PEMT: variants seen among roughly 807,000 people sequenced by gnomAD.
PEMT encodes the protein phospholipid methyltransferase.
A neutral mutation model predicts 27.4 loss-of-function variants in PEMT; 23 were observed. The observed-to-expected ratio is 0.84, with a 90% CI of 0.60 to 1.19. The LOEUF (loss-of-function observed/expected upper bound fraction) is 1.19, where lower values mean the gene tolerates loss of function less well. PEMT is among the 50% of genes most tolerant of loss of function. The pLI, the probability that PEMT is intolerant of heterozygous loss-of-function variation, is 0.00. For missense variants in PEMT, 307 were observed against 310.1 expected (o/e 0.99, Z 0.07); for synonymous variants, 137 against 139.1 (o/e 0.98, Z 0.11).
At chr17:17,580,744 C>G (rs1320995280) in intron 1 of PEMT, among the ~76,000 whole-genome samples, 1 of 152,180 alleles carries the variant, frequency 6.6e-6, no homozygotes. Flanking sequence ...CCTACCCCTC[C>G]CTTGCCTCAT....
chr17:17,540,027 G>A (rs1700271287), intron 2 of PEMT, among the ~76,000 whole-genome samples: 2 of 152,228 alleles, frequency 1.3e-5, no homozygotes, highest in African/African-American at 4.8e-5. Flanking sequence ...ACAAAGGCTG[G>A]GGGCATGGAA....
chr17:17,543,197 C>G (rs2142609565), intron 2 of PEMT, among the ~76,000 whole-genome samples: 1 of 152,374 alleles, frequency 6.6e-6, no homozygotes, highest in East Asian at 1.9e-4. Flanking sequence ...GAGGGCCTCG[C>G]ATGTGCATGT....
chr17:17,551,541 T>C (rs1909654043), intron 2 of PEMT, among the ~76,000 whole-genome samples: 1 of 152,166 alleles, frequency 6.6e-6, no homozygotes, highest in African/African-American at 2.4e-5. Flanking sequence ...TGGTCGGGCC[T>C]GTCTGGGGCT....
In PEMT at chr17:17,509,462, T is replaced by G. The variant is rs1167456272; in HGVS notation, c.550A>C (p.Thr184Pro). 1 of 1,613,354 alleles carries G rather than the reference T, an allele frequency of 6.2e-7. No individual in the cohort carries two copies. The highest frequency in any genetic ancestry group is 8.5e-7 in the Non-Finnish European group (1 of 1,179,390). ...ILDNPMYWGS[T>P]ANYLGWAIMH... ...ATGGCCCAGCCCAGGTAGTTGGCTGTGCTTCCCCAGTACATGGGGTTGTCC... is the reference window on the plus strand; with the variant it reads ...ATGGCCCAGCCCAGGTAGTTGGCTGGGCTTCCCCAGTACATGGGGTTGTCC... The change falls in exon 5 of 7, where the codon ACA (threonine) becomes CCA (proline). Residue 184 changes from threonine (T) to proline (P), a missense_variant. Transcript: ENST00000255389.
chr17:17,573,245 G>A (rs1473993212), intron 2 of PEMT, among the ~76,000 whole-genome samples: 1 of 151,202 alleles, frequency 6.6e-6, no homozygotes, highest in Non-Finnish European at 1.5e-5. Context: ...AGCACTTTGG[G>A]AGGCCGAGTC....
At chr17:17,525,863 G>T (rs1907624916) in intron 2 of PEMT, among the ~76,000 whole-genome samples, 1 of 152,152 alleles carries the variant, frequency 6.6e-6, no homozygotes. Flanking sequence ...GCACAGTGGT[G>T]TGCACCTGTA....
intron 6 of PEMT, 121 bp from the exon 7 acceptor site, chr17:17,505,969 C>A (rs906789506): frequency 2.0e-4 from 275 of 1,403,564 alleles, no homozygotes; most frequent in Non-Finnish European, 2.5e-4. Context: ...CCCTTCATCC[C>A]CCAGAGCCAC....
intron 4 of PEMT, 114 bp from the exon 5 acceptor site, chr17:17,509,659 G>A: frequency 1.3e-6 from 1 of 744,446 alleles, no homozygotes; most frequent in Non-Finnish European, 2.4e-6. Context: ...ACAGGGCCCT[G>A]CCCTCCAGGA....
chr17:17,569,563 C>T (rs1356068448), intron 2 of PEMT, among the ~76,000 whole-genome samples: 3 of 152,146 alleles, frequency 2.0e-5, no homozygotes, highest in African/African-American at 7.2e-5. Context: ...CCGGCGTGAC[C>T]CCGTGTGCAT....
At chr17:17,552,628 C>A (rs958809099) in intron 2 of PEMT, among the ~76,000 whole-genome samples, 1 of 152,222 alleles carries the variant, frequency 6.6e-6, no homozygotes, top group Non-Finnish European at 1.5e-5. Flanking sequence ...AGAAATGCGG[C>A]CACGGTGGCC....
chr17:17,526,205 C>T (rs1233862876), intron 2 of PEMT, among the ~76,000 whole-genome samples: 2 of 152,148 alleles, frequency 1.3e-5, no homozygotes, highest in African/African-American at 2.4e-5. Flanking sequence ...TCCCCAAATG[C>T]CGGCTCCTTT....
In PEMT at chr17:17,512,603, G is replaced by A. The variant is rs894958873; in HGVS notation, c.372C>T (p.Pro124=). The change falls in exon 4 of 7, where the codon CCC becomes CCT. Residue 124 remains proline (P), a synonymous_variant. Transcript: ENST00000255389. This position sits in a 1 kb window ranked among gnomAD's most constrained non-coding sequence, Gnocchi z 6.3. ...GCGCGAGGCCCAGGCTGTAGGCCGC[G>A]GGGGTGTCCAGGCTCTCCATCCTGG... ...SQPRMESLDT[P]AAYSLGLALL... The A allele has an allele frequency of 9.4e-6, 15 of 1,600,626 alleles. No individual in the cohort carries two copies. Among genetic ancestry groups the A allele is most frequent in the African/African-American group, 2.7e-5 (2 of 74,588 alleles).
chr17:17,556,742 A>G (rs528940092), intron 2 of PEMT, among the ~76,000 whole-genome samples: 10 of 152,246 alleles, frequency 6.6e-5, no homozygotes, highest in South Asian at 6.2e-4. Flanking sequence ...TCCTTCAGAG[A>G]GGCCACATGA....
At chr17:17,521,176 G>GCA (rs1231079330) in intron 3 of PEMT, among the ~76,000 whole-genome samples, 1 of 152,230 alleles carries the variant, frequency 6.6e-6, no homozygotes, top group Admixed American at 6.5e-5. Context: ...GTGTGGCCAG[G>GCA]CACACACAGA....
At chr17:17,576,012 C>T (rs1911560093) in intron 2 of PEMT, among the ~76,000 whole-genome samples, 1 of 152,216 alleles carries the variant, frequency 6.6e-6, no homozygotes, top group African/African-American at 2.4e-5. Flanking sequence ...CTTGGCCTTA[C>T]TCTGCAGATT....
At chr17:17,514,999 A>C (rs946459895) in intron 3 of PEMT, among the ~76,000 whole-genome samples, 4 of 152,150 alleles carry the variant, frequency 2.6e-5, no homozygotes, top group African/African-American at 9.7e-5. Context: ...TCGGCCCGGC[A>C]GGGTTTGGAA....
At chr17:17,506,145 C>A (rs1049140906) in intron 6 of PEMT, 82 bp downstream of exon 6, 1 of 1,236,098 alleles carries the variant, frequency 8.1e-7, no homozygotes, top group African/African-American at 1.5e-5. Flanking sequence ...CTGAGCCTGC[C>A]CTGGCCACAA....
chr17:17,550,695 G>C (rs771249625), intron 2 of PEMT, among the ~76,000 whole-genome samples: 2 of 152,190 alleles, frequency 1.3e-5, no homozygotes, highest in African/African-American at 4.8e-5. Context: ...GTTCAAGGTC[G>C]CAGGTGGCTA....
At position 17,576,706 on chromosome 17, in the gene PEMT, C is replaced by G. The variant is rs575764486; in HGVS notation, c.204+214G>C. Among the ~76,000 whole-genome samples, 400 of 152,308 alleles carry G rather than the reference C, an allele frequency of 2.6e-3. 3 individuals carry two copies. Among genetic ancestry groups the G allele is most frequent in the Non-Finnish European group, 4.0e-3 (270 of 68,024 alleles). On this transcript the variant is annotated intron_variant, in intron 2 of 6. Coordinates refer to ENST00000255389, the MANE Select transcript of PEMT (RefSeq NM_148172.3). ...CCCCTACAGTCCTGGACCATCCTGA[C>G]GCCAGCCTGGGCAGCCCAATGGCTG...
Sources: gnomAD v4.1 joint callset for allele counts (sites outside exome capture counted in the v4.1 genomes callset) on GRCh38, gnomAD v4.1.1 for gene constraint, Gnocchi (gnomAD v3.1) non-coding constraint, MANE v1.5 for transcripts, NCBI Gene and HGNC (gene_info 2026-07-23, HGNC 2026-07-21) for gene names.